Variants in DDX5 observed in about 807,000 individuals in gnomAD.
The protein encoded by DDX5 is DEAD-box helicase 5.
In DDX5, 6 loss-of-function variants were observed where a neutral mutation model predicts 68.6. The observed-to-expected ratio is 0.09, with a 90% CI of 0.05 to 0.17. DDX5 has a LOEUF of 0.17. Among genes scored for constraint, DDX5 ranks in the 10% least tolerant of loss-of-function variants. The probability of loss-of-function intolerance (pLI) is 1.00; values close to 1 mark genes in which losing one functional copy is unlikely to be tolerated. For missense variants in DDX5, 499 were observed against 756.1 expected, an observed-to-expected ratio of 0.66 and a Z score of 3.99; for synonymous variants, 350 against 247.0, an observed-to-expected ratio of 1.42 and a Z score of -3.91.
Position 64,504,272 on chromosome 17 carries a change from C to A in DDX5, c.257G>T (p.Gly86Val). The change falls in exon 3 of 13, where the codon GGT becomes GTT. Residue 86 changes from glycine (G) to valine (V), a missense_variant. By Grantham distance (109) the Gly-to-Val change is moderately radical (BLOSUM62 -3). Transcript: ENST00000225792. ...TAGAACTGGCTTCGGGCAGTTGTGA[C>A]CTCTAACTGTAATTTCCTTGCTTCT... ...YRRSKEITVR[G>V]HNCPKPVLNF... is the part of the protein sequence containing the mutation. The A allele has an allele frequency of 1.2e-6, 2 of 1,614,056 alleles. No homozygotes were observed. Among genetic ancestry groups the A allele is most frequent in the Non-Finnish European group, 8.5e-7 (1 of 1,180,010 alleles).
chr17:64,506,747 T>G (rs1300266759), upstream of DDX5: 5 of 462,566 alleles, frequency 1.1e-5, no homozygotes, highest in East Asian at 1.6e-4. Flanking sequence ...CAAAACGAAA[T>G]AGCTCACCGG....
Position 64,504,205 on chromosome 17 carries a change from T to C in DDX5, c.307+17A>G, listed in dbSNP as rs1555671663. 1 of 1,613,690 alleles carries C rather than the reference T, an allele frequency of 6.2e-7. No homozygotes were observed. The highest frequency in any genetic ancestry group is 8.5e-7 in the Non-Finnish European group (1 of 1,179,588). Reference sequence around the variant, plus strand: ...AAACAAAAACACGGGTAGGTAGAACTGAAAAGTAGCACTTACCAGGGAAAT... The same window carrying C: ...AAACAAAAACACGGGTAGGTAGAACCGAAAAGTAGCACTTACCAGGGAAAT... On this transcript the variant is annotated intron_variant, in intron 3 of 12. Transcript: ENST00000225792.
intron 2 of DDX5, 104 bp from the exon 3 acceptor site, chr17:64,504,422 T>G (rs1289272392): frequency 1.2e-5 from 13 of 1,086,942 alleles, no homozygotes; most frequent in Non-Finnish European, 1.6e-5. Context: ...TAGTTTAAAG[T>G]AGCCTTCATT....
intron 6 of DDX5, 37 bp from the exon 7 acceptor site, chr17:64,503,385 G>T (rs200755111): frequency 6.2e-7 from 1 of 1,613,928 alleles, no homozygotes; most frequent in Non-Finnish European, 8.5e-7. Flanking sequence ...ACAATACCTA[G>T]GATATTTAGC....
chr17:64,499,127 T>TA lies in DDX5; in HGVS notation c.*795dup, dbSNP rs2038230589. 6.6e-6 allele frequency among the ~76,000 whole-genome samples: 1 copy of TA among 152,224 alleles called. No homozygotes were observed. The highest frequency in any genetic ancestry group is 1.5e-5 in the Non-Finnish European group (1 of 68,034). ...TTAGCTCCTGGCCATCTTAAAGGGC[T>TA]AATGTATGTCTTTCACAGGTTTGTT... On this transcript the variant is annotated 3_prime_UTR_variant, in exon 13 of 13. Coordinates refer to ENST00000225792, the MANE Select transcript of DDX5 (RefSeq NM_004396.5).
rs1274994087 is a variant in DDX5 at position 64,498,708 on chromosome 17, A to AT, written c.*1214_*1215insA. ...AAGACCTCTCTTCTGGCAAAAAAAA[A>AT]CACGTATCAGACTCTGGGAAAACAT... On this transcript the variant is annotated 3_prime_UTR_variant, in exon 13 of 13. Transcript: ENST00000225792. Among the ~76,000 whole-genome samples, 1 of 152,166 alleles carries AT rather than the reference A, an allele frequency of 6.6e-6. No individual in the cohort carries two copies. Among genetic ancestry groups the AT allele is most frequent in the Non-Finnish European group, 1.5e-5 (1 of 68,038 alleles).
At chr17:64,504,363 CCTAG>C (rs1281960603) in intron 2 of DDX5, 45 bp from the exon 3 acceptor site, 5 of 1,508,688 alleles carry the variant, frequency 3.3e-6, no homozygotes, top group Non-Finnish European at 4.6e-6. Flanking sequence ...GACAACCACC[CCTAG>C]CTAAATACGT....
chr17:64,504,164 A>C (rs2038366039), intron 3 of DDX5, 48 bp from the exon 4 acceptor site: 1 of 1,612,814 alleles, frequency 6.2e-7, no homozygotes, highest in Non-Finnish European at 8.5e-7. Context: ...TGCCAAGAAA[A>C]AGAGGGGGTA....
rs2038321152 is a variant in DDX5 at position 64,502,474 on chromosome 17, T to C, written c.1059A>G (p.Arg353=). The C allele has an allele frequency of 6.2e-7, 1 of 1,613,754 alleles. No individual in the cohort carries two copies. ...TCATTTTTCTGGTAAGCTCATCACA[T>C]CTTCTTTTGGTTTCCACAAAAACAA... ...KTIVFVETKR[R]CDELTRKMRR... Residue 353 remains arginine (R), a synonymous_variant, in exon 9 of 13, where the codon AGA becomes AGG. Transcript: ENST00000225792.
intron 3 of DDX5, 22 bp from the exon 4 acceptor site, chr17:64,504,138 T>C (rs782330095): frequency 1.9e-6 from 3 of 1,613,640 alleles, no homozygotes; most frequent in South Asian, 2.2e-5. Flanking sequence ...AACAGATATT[T>C]AGTAAAAATT....
At chr17:64,504,935 C>G (rs1178289532) in intron 1 of DDX5, 93 bp from the exon 2 acceptor site, 7 of 1,267,312 alleles carry the variant, frequency 5.5e-6, no homozygotes, top group Non-Finnish European at 7.6e-6. Context: ...CTAAAAACCA[C>G]TGAAAACAGA....
At position 64,503,844 on chromosome 17, in the gene DDX5, T is replaced by C; in HGVS notation, c.466A>G (p.Ile156Val). The C allele has an allele frequency of 6.2e-7, 1 of 1,614,230 alleles. No homozygotes were observed. The highest frequency in any genetic ancestry group is 8.5e-7 in the Non-Finnish European group (1 of 1,180,046). Residue 156 changes from isoleucine to valine, a missense_variant, in exon 5 of 13, where the codon ATC becomes GTC. Ile to Val is a conservative substitution (Grantham distance 29). This residue lies in a region of DDX5 where 141 missense variants were observed against 279.8 expected (regional missense o/e 0.50). Coordinates refer to ENST00000225792, the MANE Select transcript of DDX5 (RefSeq NM_004396.5). ...LSYLLPAIVH[I>V]NHQPFLERGD... The stretch of plus-strand genomic sequence containing the variant: ...CTCTCTAGGAATGGCTGATGATTGA[T>C]GTGGACAATGGCAGGAAGCAAATAC...
rs2038258432 is a variant in DDX5, at chr17:64,500,121, A to G, written c.1647T>C (p.Phe549=). The G allele has an allele frequency of 1.2e-6, 2 of 1,614,126 alleles. No individual in the cohort carries two copies. The highest frequency in any genetic ancestry group is 1.3e-5 in the African/African-American group (1 of 74,946). ...NYTNGSFGSN[F]VSAGIQTSFR... is the part of the protein sequence containing the mutation. ...AACTGGTCTGTATACCAGCAGACACAAAATTACTTCCAAAGCTCCCATTGG... is the reference window on the plus strand; with the variant it reads ...AACTGGTCTGTATACCAGCAGACACGAAATTACTTCCAAAGCTCCCATTGG... Residue 549 remains phenylalanine, a synonymous_variant, in exon 13 of 13, where the codon TTT becomes TTC. Coordinates refer to ENST00000225792, the MANE Select transcript of DDX5 (RefSeq NM_004396.5).
At chr17:64,505,898 A>T in intron 1 of DDX5, 178 bp downstream of exon 1, 3 of 1,535,398 alleles carry the variant, frequency 2.0e-6, no homozygotes, top group Non-Finnish European at 2.6e-6. Flanking sequence ...CTACACCGTC[A>T]AATCTCTTCC....
chr17:64,504,466 GAAAA>G, intron 2 of DDX5, 148 bp from the exon 3 acceptor site: 1 of 873,354 alleles, frequency 1.1e-6, no homozygotes, highest in Non-Finnish European at 1.7e-6. Context: ...ACCCTATTAT[GAAAA>G]AAAAAATTTA....
chr17:64,505,857 A>C, intron 1 of DDX5: 1 of 1,535,974 alleles, frequency 6.5e-7, no homozygotes, highest in Non-Finnish European at 8.7e-7. Context: ...ACAGCTCCCC[A>C]ATCCCCACAC....
chr17:64,505,513 C>T, intron 1 of DDX5: 1 of 604,418 alleles, frequency 1.7e-6, no homozygotes, highest in South Asian at 2.0e-5. Flanking sequence ...CCCTTTGTCT[C>T]GCATTTCTCT....
At chr17:64,506,033 T>TC (rs782680356) in intron 1 of DDX5, 43 bp downstream of exon 1, 95 of 472,434 alleles carry the variant, frequency 2.0e-4, no homozygotes, top group African/African-American at 1.6e-3. Flanking sequence ...CGCCCTCCCA[T>TC]CCCCCCACCC....
At chr17:64,506,535 C>G, upstream of DDX5, 1 of 583,848 alleles carries the variant, frequency 1.7e-6, no homozygotes, top group South Asian at 2.3e-5. Context: ...CTTTCCACAC[C>G]TCAAGCAAGC....
Sources: allele counts gnomAD v4.1 joint callset (sites outside exome capture counted in the v4.1 genomes callset), GRCh38; gene constraint gnomAD v4.1.1; regional missense constraint gnomAD v4.1.1; transcripts MANE v1.5; gene names NCBI Gene and HGNC (gene_info 2026-07-23, HGNC 2026-07-21).